The following STX12 variants were observed in gnomAD, a reference collection of about 807,000 sequenced individuals.
STX12 encodes syntaxin 12.
In STX12, 17 loss-of-function variants were observed where a neutral mutation model predicts 42.2. That is an observed-to-expected ratio of 0.40 (90% CI 0.28 to 0.60). The LOEUF (loss-of-function observed/expected upper bound fraction) is 0.60, where lower values mean the gene tolerates loss of function less well. Among genes scored for constraint, STX12 ranks in the 20% least tolerant of loss-of-function variants. The pLI is 0.39. For synonymous variants in STX12, 108 were observed against 116.7 expected, an observed-to-expected ratio of 0.93 and a Z score of 0.48; for missense variants, 297 against 330.9, an observed-to-expected ratio of 0.90 and a Z score of 0.79.
chr1:27,822,393 G>C lies in STX12; in HGVS notation c.*64G>C, dbSNP rs1477006889. On this transcript the variant is annotated 3_prime_UTR_variant, in exon 9 of 9. Transcript: ENST00000373943. ...GCAAGTGCTTGTTGAAGTCTTGCCAGAACAAACTGATCACAAGAAGACAGC... is the reference window on the plus strand; with the variant it reads ...GCAAGTGCTTGTTGAAGTCTTGCCACAACAAACTGATCACAAGAAGACAGC... 1 of 1,012,954 alleles carries C rather than the reference G, an allele frequency of 9.9e-7. No individual in the cohort carries two copies. Among genetic ancestry groups the C allele is most frequent in the Non-Finnish European group, 1.6e-6 (1 of 632,526 alleles). 62.7% of individuals were successfully genotyped at this position (1,012,954 alleles called of 1,614,324 possible). A position where few individuals can be genotyped will look rare whatever the true frequency, so the allele number is the denominator to read the frequency against.
In STX12 at chr1:27,797,023, CT is replaced by C. The variant is rs201765284; in HGVS notation, c.288+3402del. On this transcript the variant is annotated intron_variant, in intron 3 of 8. Transcript: ENST00000373943. ...CCTGGCCATAAAGAGTTTTTATTCACTTTTTTTTTTTGAGACACAGTTTCAC... is the reference window on the plus strand; with the variant it reads ...CCTGGCCATAAAGAGTTTTTATTCACTTTTTTTTTTGAGACACAGTTTCAC... Among the ~76,000 whole-genome samples, 208 of 146,414 alleles carry C rather than the reference CT, an allele frequency of 1.4e-3. 2 individuals are homozygous for C. The East Asian group carries it at 0.023, about 16-fold the overall frequency.
At chr1:27,810,075 C>T (rs2088892861) in intron 4 of STX12, 171 bp from the exon 5 acceptor site, 2 of 589,480 alleles carry the variant, frequency 3.4e-6, no homozygotes, top group Non-Finnish European at 6.0e-6. Flanking sequence ...TCTTCAACCA[C>T]TTTACACCCA....
intron 4 of STX12, among the ~76,000 whole-genome samples, chr1:27,809,685 C>T (rs1263237406): frequency 6.6e-6 from 1 of 151,932 alleles, no homozygotes; most frequent in African/African-American, 2.4e-5. Context: ...GTCTTGAACT[C>T]CTGACCTTGT....
intron 1 of STX12, among the ~76,000 whole-genome samples, chr1:27,778,979 T>A (rs1011077405): frequency 1.3e-5 from 2 of 151,996 alleles, no homozygotes; most frequent in African/African-American, 4.8e-5. Flanking sequence ...AGGCTGGTCT[T>A]GAATTCCTGA....
chr1:27,788,232 C>T (rs950186406), intron 1 of STX12, among the ~76,000 whole-genome samples: 1 of 152,112 alleles, frequency 6.6e-6, no homozygotes, highest in African/African-American at 2.4e-5. Flanking sequence ...AGCAAGCAAA[C>T]AAGAAATCAT....
At position 27,819,654 on chromosome 1, in the gene STX12, C is replaced by T; in HGVS notation, c.654C>T (p.Ser218=). ...CCTCTGTCCTTCCTTTTGCAGATAG[C>T]ATAGAAGCCAATGTGGAAAGCTCAG... ...MIHDQGDLID[S]IEANVESSEV... Residue 218 remains serine, a synonymous_variant, in exon 8 of 9, where the codon AGC becomes AGT. Coordinates refer to ENST00000373943, the MANE Select transcript of STX12 (RefSeq NM_177424.3). The T allele has an allele frequency of 1.2e-6, 2 of 1,613,604 alleles. No individual in the cohort carries two copies. Among genetic ancestry groups the T allele is most frequent in the Admixed American group, 1.7e-5 (1 of 59,978 alleles).
rs540316413 is a variant in STX12, at chr1:27,821,351, CATT to C, written c.733-879_733-877del. On this transcript the variant is annotated intron_variant, in intron 8 of 8. Coordinates refer to ENST00000373943, the MANE Select transcript of STX12 (RefSeq NM_177424.3). Reference sequence around the variant, plus strand: ...ATTAAGTAAATTATATACATCCACTCATTGTTGCATATGGGAATTAAGAGATGT... The same window carrying C: ...ATTAAGTAAATTATATACATCCACTCGTTGCATATGGGAATTAAGAGATGT... Among the ~76,000 whole-genome samples, 8 of 152,166 alleles carry C rather than the reference CATT, an allele frequency of 5.3e-5. No homozygotes were observed. The South Asian group carries it at 1.2e-3, about 24-fold the overall frequency.
chr1:27,821,847 G>A (rs1384274574), intron 8 of STX12, among the ~76,000 whole-genome samples: 3 of 151,972 alleles, frequency 2.0e-5, no homozygotes, highest in Non-Finnish European at 4.4e-5. Context: ...GTGAAACCCC[G>A]TCTCTACTAA....
intron 6 of STX12, 55 bp from the exon 7 acceptor site, chr1:27,817,796 A>G: frequency 6.4e-7 from 1 of 1,553,364 alleles, no homozygotes; most frequent in Non-Finnish European, 8.9e-7. Flanking sequence ...CGTGAGGGAA[A>G]CAAATCTTCT....
chr1:27,773,661 G>A (rs1256281634), intron 1 of STX12, among the ~76,000 whole-genome samples: 1 of 152,204 alleles, frequency 6.6e-6, no homozygotes, highest in Non-Finnish European at 1.5e-5. Flanking sequence ...TGCCCCCACG[G>A]TGCTGGGACC....
chr1:27,818,501 A>C (rs1346249342), intron 7 of STX12, among the ~76,000 whole-genome samples: 1 of 152,170 alleles, frequency 6.6e-6, no homozygotes, highest in African/African-American at 2.4e-5. Flanking sequence ...ATGTTATCAA[A>C]TGTAGAAGTT....
Position 27,813,567 on chromosome 1 carries a change from G to C in STX12, c.576+1299G>C, listed in dbSNP as rs531860723. Among the ~76,000 whole-genome samples, 6 of 152,322 alleles carry C rather than the reference G, an allele frequency of 3.9e-5. No individual in the cohort carries two copies. The South Asian group carries it at 1.2e-3, about 32-fold the overall frequency. ...GGGATCAGGGGAGGAGAAAAGGAGA[G>C]AGGGAAATTTTGAGCTCTTCCTTGG... On this transcript the variant is annotated intron_variant, in intron 6 of 8. Coordinates refer to ENST00000373943, the MANE Select transcript of STX12 (RefSeq NM_177424.3).
intron 2 of STX12, among the ~76,000 whole-genome samples, chr1:27,791,676 G>C (rs923954500): frequency 6.6e-6 from 1 of 151,758 alleles, no homozygotes; most frequent in Non-Finnish European, 1.5e-5. Flanking sequence ...TTAGCCAGGC[G>C]TGGTGGCACG....
rs375964792 is a variant in STX12 at position 27,773,398 on chromosome 1, G to A, written c.91G>A (p.Gly31Ser). Residue 31 changes from glycine to serine, a missense_variant, in exon 1 of 9, where the codon GGC (glycine) becomes AGC (serine). Coordinates refer to ENST00000373943, the MANE Select transcript of STX12 (RefSeq NM_177424.3). ...DFSSIIQTCS[G>S]NIQRISQATA... ...CAGCAGCATCATCCAGACGTGCAGC[G>A]GCAACATCCAGCGGATCAGCCAAGC... 4.2e-5 allele frequency: 68 copies of A among 1,613,562 alleles called. No homozygotes were observed. In the Middle Eastern group the frequency reaches 8.2e-4, roughly 20 times the overall value.
intron 2 of STX12, among the ~76,000 whole-genome samples, chr1:27,792,261 CAT>C (rs1214592532): frequency 1.7e-5 from 2 of 119,850 alleles, no homozygotes; most frequent in Admixed American, 9.0e-5. Flanking sequence ...TATGTAGATA[CAT>C]ATATATGTAT....
intron 3 of STX12, among the ~76,000 whole-genome samples, chr1:27,800,034 C>T (rs892674778): frequency 1.3e-5 from 2 of 152,222 alleles, no homozygotes; most frequent in African/African-American, 4.8e-5. Context: ...GGATTACAGG[C>T]ATGCGCTACT....
At chr1:27,809,055 G>T (rs868417673) in intron 4 of STX12, among the ~76,000 whole-genome samples, 20 of 152,318 alleles carry the variant, frequency 1.3e-4, no homozygotes, top group Admixed American at 1.3e-4. Flanking sequence ...AGGTTAGTGG[G>T]CTGGGCGCTG....
chr1:27,793,571 A>G lies in STX12; in HGVS notation c.227A>G (p.Glu76Gly), dbSNP rs1406037207. The G allele has an allele frequency of 6.2e-7, 1 of 1,614,150 alleles. No homozygotes were observed. Among genetic ancestry groups the G allele is most frequent in the South Asian group, 1.1e-5 (1 of 91,082 alleles). The change falls in exon 3 of 9, where the codon GAA becomes GGA. Residue 76 changes from glutamate (E) to glycine (G), a missense_variant. Physicochemically the swap from Glu to Gly is moderately conservative, Grantham distance 98. Transcript: ENST00000373943. ...LQHSTNQLAK[E>G]TNELLKELGS... ...CACTCCACAAATCAGCTCGCCAAGG[A>G]AACAAATGAATTGCTGAAAGAATTA...
intron 1 of STX12, among the ~76,000 whole-genome samples, chr1:27,774,412 T>C (rs1259370627): frequency 6.6e-6 from 1 of 152,238 alleles, no homozygotes; most frequent in Non-Finnish European, 1.5e-5. Flanking sequence ...TTGTTTATTA[T>C]TGTTTTGTGA....
Sources: gnomAD v4.1 joint callset for allele counts (sites outside exome capture counted in the v4.1 genomes callset) on GRCh38, gnomAD v4.1.1 for gene constraint, MANE v1.5 for transcripts, NCBI Gene and HGNC (gene_info 2026-07-23, HGNC 2026-07-21) for gene names.